The following MIS18A variants were observed in gnomAD, a reference collection of about 807,000 sequenced individuals.
The protein encoded by MIS18A is MIS18 kinetochore protein A.
A neutral mutation model predicts 25.0 loss-of-function variants in MIS18A; 14 were observed. That is an observed-to-expected ratio of 0.56 (90% confidence interval 0.37 to 0.88). The LOEUF (loss-of-function observed/expected upper bound fraction) is 0.88. Among genes scored for constraint, MIS18A ranks in the 40% least tolerant of loss-of-function variants. The pLI, the probability that MIS18A is intolerant of heterozygous loss-of-function variation, is 0.00. For missense variants in MIS18A, 292 were observed against 290.8 expected (o/e 1.00, Z -0.03); for synonymous variants, 134 against 118.6 (o/e 1.13, Z -0.84).
chr21:32,246,000 T>C, the MIS18A span, among the ~76,000 whole-genome samples: 1 of 152,132 alleles, frequency 6.6e-6, no homozygotes, highest in Admixed American at 6.5e-5. Flanking sequence ...AGAATCATGT[T>C]AGAAGGCAAA....
the MIS18A span, among the ~76,000 whole-genome samples, chr21:32,243,500 C>T: frequency 6.6e-6 from 1 of 152,094 alleles, no homozygotes; most frequent in South Asian, 2.1e-4. Context: ...AGTCATTAGG[C>T]AGATGCAAAT....
chr21:32,156,860 C>T, the MIS18A span, among the ~76,000 whole-genome samples: 36 of 152,116 alleles, frequency 2.4e-4, no homozygotes, highest in Non-Finnish European at 1.0e-4. Flanking sequence ...AGGTAATAGA[C>T]ATATCAGGTG....
the MIS18A span, among the ~76,000 whole-genome samples, chr21:32,188,847 G>A: frequency 4.6e-5 from 7 of 152,216 alleles, no homozygotes; most frequent in Admixed American, 4.6e-4. Flanking sequence ...GAGGCAGTGA[G>A]TGCCTCTGTT....
chr21:32,187,664 T>C, the MIS18A span, among the ~76,000 whole-genome samples: 1 of 152,160 alleles, frequency 6.6e-6, no homozygotes, highest in Non-Finnish European at 1.5e-5. Context: ...CCTCGCATAA[T>C]AAATCTGCAT....
chr21:32,245,179 C>A, the MIS18A span, among the ~76,000 whole-genome samples: 2 of 152,198 alleles, frequency 1.3e-5, no homozygotes, highest in African/African-American at 2.4e-5. Flanking sequence ...AAGACCACCT[C>A]CTGGATTATG....
the MIS18A span, among the ~76,000 whole-genome samples, chr21:32,201,385 C>T: frequency 6.6e-6 from 1 of 152,006 alleles, no homozygotes; most frequent in Admixed American, 6.6e-5. Flanking sequence ...TATTCGTCCC[C>T]CACTTACCCT....
the MIS18A span, among the ~76,000 whole-genome samples, chr21:32,237,788 A>C: frequency 6.6e-6 from 1 of 151,268 alleles, no homozygotes; most frequent in South Asian, 2.1e-4. Context: ...TATTGTTAAC[A>C]TACTATTAGA....
the MIS18A span, among the ~76,000 whole-genome samples, chr21:32,165,354 C>T: frequency 6.6e-6 from 1 of 151,110 alleles, no homozygotes; most frequent in Admixed American, 6.6e-5. Context: ...AGAGACATTC[C>T]ACAAAATAAT....
At chr21:32,196,265 C>T in the MIS18A span, among the ~76,000 whole-genome samples, 6 of 152,226 alleles carry the variant, frequency 3.9e-5, no homozygotes, top group African/African-American at 1.2e-4. Context: ...AGAATTTGCT[C>T]TCTCTCCCTG....
At chr21:32,239,524 A>G in the MIS18A span, among the ~76,000 whole-genome samples, 1,673 of 152,334 alleles carry the variant, frequency 0.011, 26 homozygotes, top group African/African-American at 0.037. Context: ...TTCTATCACC[A>G]AAAGCTTTCT....
the MIS18A span, among the ~76,000 whole-genome samples, chr21:32,165,776 G>A: frequency 6.6e-6 from 1 of 152,278 alleles, no homozygotes; most frequent in East Asian, 1.9e-4. Context: ...GAAAGGAGAT[G>A]CTAAGAGGTG....
At chr21:32,158,188 A>ATTTT in the MIS18A span, among the ~76,000 whole-genome samples, 3 of 152,166 alleles carry the variant, frequency 2.0e-5, no homozygotes, top group African/African-American at 7.2e-5. Context: ...TTCAAAAATA[A>ATTTT]TTTTTTTCCT....
At chr21:32,219,670 C>T in the MIS18A span, among the ~76,000 whole-genome samples, 11 of 152,158 alleles carry the variant, frequency 7.2e-5, no homozygotes, top group Admixed American at 1.3e-4. Context: ...GGGAGCTAAG[C>T]GGTCTTTCCC....
In MIS18A at chr21:32,268,892, C is replaced by A. The variant is rs927901877; in HGVS notation, c.*145G>T. ...TGCAGCCTCAACCTCCCAAGCTCAT[C>A]TGATCCTCCCACCTCAGCGTTTCGC... On this transcript the variant is annotated 3_prime_UTR_variant, in exon 5 of 5. Coordinates refer to ENST00000290130, the MANE Select transcript of MIS18A (RefSeq NM_018944.3). The A allele has an allele frequency of 3.3e-5, 18 of 541,152 alleles. No homozygotes were observed. Among genetic ancestry groups the A allele is most frequent in the Admixed American group, 2.7e-4 (8 of 29,476 alleles). 33.5% of individuals were successfully genotyped at this position (541,152 alleles called of 1,614,324 possible). A position where few individuals can be genotyped will look rare whatever the true frequency, so the allele number is the denominator to read the frequency against.
the MIS18A span, among the ~76,000 whole-genome samples, chr21:32,237,809 G>A: frequency 1.3e-5 from 2 of 152,046 alleles, no homozygotes; most frequent in African/African-American, 4.8e-5. Flanking sequence ...TGGACAGCTA[G>A]GATACTCTGA....
the MIS18A span, among the ~76,000 whole-genome samples, chr21:32,179,062 T>C: frequency 0.49 from 73,454 of 151,250 alleles, 18,117 homozygotes; most frequent in East Asian, 0.6. Flanking sequence ...AATAGTGTCT[T>C]GTCCCTTAGT....
chr21:32,174,623 A>C, the MIS18A span, among the ~76,000 whole-genome samples: 2 of 152,218 alleles, frequency 1.3e-5, no homozygotes, highest in Admixed American at 6.5e-5. Flanking sequence ...CAAAATATAC[A>C]AAACAAAATT....
In MIS18A at chr21:32,268,565, T is replaced by C. The variant is rs2031646418; in HGVS notation, c.*472A>G. 6.6e-6 allele frequency: 1 copy of C among 152,240 alleles called. No individual in the cohort carries two copies. The highest frequency in any genetic ancestry group is 2.4e-5 in the African/African-American group (1 of 41,464). The allele number at this position is 152,240 out of a possible 1,614,324, so 9.4% of individuals were successfully genotyped here. A position where few individuals can be genotyped will look rare whatever the true frequency, so the allele number is the denominator to read the frequency against. On this transcript the variant is annotated 3_prime_UTR_variant, in exon 5 of 5. Transcript: ENST00000290130. ...CAAACCTCTAAGATTTTTCTTATCA[T>C]TTATAATAAATGTTGTCCCAAGTGT...
chr21:32,177,019 G>A, the MIS18A span, among the ~76,000 whole-genome samples: 1 of 152,054 alleles, frequency 6.6e-6, no homozygotes, highest in Non-Finnish European at 1.5e-5. Flanking sequence ...AAAAATTTCA[G>A]GAAAATCTCT....
Sources: gnomAD v4.1 joint callset for allele counts (sites outside exome capture counted in the v4.1 genomes callset) on GRCh38, gnomAD v4.1.1 for gene constraint, MANE v1.5 for transcripts, NCBI Gene and HGNC (gene_info 2026-07-23, HGNC 2026-07-21) for gene names.